ANKRD11: variants seen among roughly 807,000 people sequenced by gnomAD.
The protein encoded by ANKRD11 is ankyrin repeat domain 11.
In ANKRD11, 17 loss-of-function variants were observed where a neutral mutation model predicts 195.7. That is an observed-to-expected ratio of 0.09 (90% CI 0.06 to 0.13). The LOEUF is 0.13. ANKRD11 is among the 10% of genes least tolerant of loss of function. ANKRD11 has a pLI of 1.00. For synonymous variants in ANKRD11, 1,953 were observed against 1,528.1 expected, an observed-to-expected ratio of 1.28 and a Z score of -6.49; for missense variants, 3,735 against 3,566.1, an observed-to-expected ratio of 1.05 and a Z score of -1.21.
rs182655301 is a variant in ANKRD11 at position 89,274,759 on chromosome 16, G to A, written c.7713+55C>T. ...GCAGAATCTATCAAGGGGAGGGGAG[G>A]CGGGCAGGGTGCAGGCACTTGGACT... On this transcript the variant is annotated intron_variant, in intron 11 of 12. Transcript: ENST00000301030. 5.6e-6 allele frequency: 9 copies of A among 1,600,254 alleles called. No individual in the cohort carries two copies. In the East Asian group the frequency reaches 2.0e-4, roughly 36 times the overall value.
intron 2 of ANKRD11, among the ~76,000 whole-genome samples, chr16:89,368,001 C>A (rs1417033220): frequency 6.6e-6 from 1 of 152,134 alleles, no homozygotes; most frequent in African/African-American, 2.4e-5. Flanking sequence ...AAGACTCACT[C>A]TCTCAAAACA....
At chr16:89,461,306 T>C (rs2056659967) in intron 1 of ANKRD11, among the ~76,000 whole-genome samples, 1 of 151,402 alleles carries the variant, frequency 6.6e-6, no homozygotes, top group African/African-American at 2.4e-5. Context: ...TTAGTGTTAA[T>C]GGGTAGCCGG....
chr16:89,287,114 C>T, intron 7 of ANKRD11: 1 of 1,289,694 alleles, frequency 7.8e-7, no homozygotes, highest in Non-Finnish European at 1.0e-6. Flanking sequence ...ATCATGGGGG[C>T]TGCTGGCAGA....
chr16:89,311,634 C>T (rs1157521048), intron 3 of ANKRD11, among the ~76,000 whole-genome samples: 1 of 152,174 alleles, frequency 6.6e-6, no homozygotes, highest in Non-Finnish European at 1.5e-5. Flanking sequence ...ACTTACAGAA[C>T]ACAGGAAAAA....
At chr16:89,339,105 C>A (rs1386678601) in intron 2 of ANKRD11, among the ~76,000 whole-genome samples, 1 of 152,102 alleles carries the variant, frequency 6.6e-6, no homozygotes, top group Non-Finnish European at 1.5e-5. Context: ...AGCGTTGCAC[C>A]CCCAGGATCC....
intron 11 of ANKRD11, among the ~76,000 whole-genome samples, chr16:89,273,564 G>C (rs140513013): frequency 0.012 from 1,799 of 152,188 alleles, 31 homozygotes; most frequent in African/African-American, 0.041. Context: ...GGGCATGGTA[G>C]CGCATGCCTG....
intron 3 of ANKRD11, among the ~76,000 whole-genome samples, chr16:89,315,941 A>G (rs1316211727): frequency 6.6e-6 from 1 of 152,156 alleles, no homozygotes; most frequent in Admixed American, 6.5e-5. Context: ...CCTCACAGGT[A>G]GTGACCTGGG....
At chr16:89,448,519 A>T (rs138585449) in intron 1 of ANKRD11, among the ~76,000 whole-genome samples, 14 of 152,322 alleles carry the variant, frequency 9.2e-5, no homozygotes, top group African/African-American at 3.4e-4. Context: ...TTTTTTCTTA[A>T]ATTAGCCTTA....
intron 1 of ANKRD11, among the ~76,000 whole-genome samples, chr16:89,419,223 G>A (rs1222057811): frequency 1.3e-5 from 2 of 151,614 alleles, no homozygotes; most frequent in Non-Finnish European, 2.9e-5. Flanking sequence ...AGGCCGAGGT[G>A]GGCGGATCAC....
intron 1 of ANKRD11, among the ~76,000 whole-genome samples, chr16:89,439,645 A>G (rs1376004792): frequency 6.6e-6 from 1 of 151,928 alleles, no homozygotes; most frequent in Admixed American, 6.6e-5. Context: ...TCAGCAAAGA[A>G]AAGCTTGTTC....
chr16:89,276,980 G>A (rs1166501387), intron 9 of ANKRD11, among the ~76,000 whole-genome samples: 2 of 151,764 alleles, frequency 1.3e-5, no homozygotes, highest in Admixed American at 6.6e-5. Context: ...TGCTTGAACC[G>A]GGGAGGTGGA....
chr16:89,305,452 A>G, intron 3 of ANKRD11, 108 bp from the exon 4 acceptor site: 1 of 1,475,824 alleles, frequency 6.8e-7, no homozygotes, highest in East Asian at 2.3e-5. Flanking sequence ...TTGGGCAATG[A>G]ACACCCTCCC....
chr16:89,433,761 C>A (rs1336909221), intron 1 of ANKRD11, among the ~76,000 whole-genome samples: 4 of 151,776 alleles, frequency 2.6e-5, no homozygotes, highest in Non-Finnish European at 4.4e-5. Context: ...GGGCTGGGCA[C>A]GCCACCTTCA....
At chr16:89,324,155 C>G (rs1344440050) in intron 2 of ANKRD11, 1 of 1,054,074 alleles carries the variant, frequency 9.5e-7, no homozygotes, top group Non-Finnish European at 1.2e-6. Context: ...CCTGTTTCCA[C>G]TCACATTTTC....
chr16:89,408,096 G>A (rs897674968), intron 2 of ANKRD11, among the ~76,000 whole-genome samples: 1 of 152,132 alleles, frequency 6.6e-6, no homozygotes, highest in Non-Finnish European at 1.5e-5. Context: ...GCACATGTGT[G>A]ACCACTGGCC....
Position 89,279,822 on chromosome 16 carries a change from C to A in ANKRD11, c.6720G>T (p.Glu2240Asp). ...GCTGTTCTGGGGGAACGGGCGCGGGCTCCACGCTGGAGTCCGGATCCCCAC... is the reference window on the plus strand; with the variant it reads ...GCTGTTCTGGGGGAACGGGCGCGGGATCCACGCTGGAGTCCGGATCCCCAC... ...RARGDPDSSVEPAPVPPEQRP... is the reference protein window; with the variant it reads ...RARGDPDSSVDPAPVPPEQRP... The change falls in exon 9 of 13, where the codon GAG becomes GAT. Residue 2240 changes from glutamate (E) to aspartate (D), a missense_variant. By Grantham distance (45) the Glu-to-Asp change is conservative. Coordinates refer to ENST00000301030, the MANE Select transcript of ANKRD11 (RefSeq NM_013275.6). This position sits in a 1 kb window ranked among gnomAD's most constrained non-coding sequence, Gnocchi z 5.6. The A allele has an allele frequency of 6.5e-6, 10 of 1,544,750 alleles. No individual in the cohort carries two copies. Among genetic ancestry groups the A allele is most frequent in the Non-Finnish European group, 8.7e-6 (10 of 1,147,642 alleles).
intron 2 of ANKRD11, among the ~76,000 whole-genome samples, chr16:89,409,020 A>AAGAGCC (rs2152200878): frequency 6.6e-6 from 1 of 152,268 alleles, no homozygotes; most frequent in East Asian, 1.9e-4. Flanking sequence ...CAAAACCAAA[A>AAGAGCC]AGAGCCACAG....
At chr16:89,286,349 G>A (rs1567585152) in intron 7 of ANKRD11, 163 bp from the exon 8 acceptor site, 12 of 1,025,912 alleles carry the variant, frequency 1.2e-5, no homozygotes, top group East Asian at 5.1e-5. Flanking sequence ...ACTGCCTGGC[G>A]AGGCTCTGGG....
chr16:89,286,866 T>C (rs1259945959), intron 7 of ANKRD11: 4 of 1,288,240 alleles, frequency 3.1e-6, no homozygotes, highest in Non-Finnish European at 3.0e-6. Context: ...TTAAATTTAA[T>C]CCCAACTTTA....
Sources: allele counts gnomAD v4.1 joint callset (sites outside exome capture counted in the v4.1 genomes callset), GRCh38; gene constraint gnomAD v4.1.1; non-coding constraint Gnocchi (gnomAD v3.1); transcripts MANE v1.5; gene names NCBI Gene and HGNC (gene_info 2026-07-23, HGNC 2026-07-21).